The following GPC6 variants were observed in gnomAD, a reference collection of about 807,000 sequenced individuals.
GPC6 encodes glypican 6.
In GPC6, 14 loss-of-function variants were observed where a neutral mutation model predicts 55.2. The ratio of observed to expected loss-of-function variants is 0.25; its 90% CI spans 0.17 to 0.40. The LOEUF (loss-of-function observed/expected upper bound fraction) is 0.40. GPC6 is among the 10% of genes least tolerant of loss of function. The pLI is 1.00. For synonymous variants in GPC6, 278 were observed against 259.6 expected (o/e 1.07, Z -0.68); for missense variants, 641 against 708.5 (o/e 0.90, Z 1.08).
intron 3 of GPC6, among the ~76,000 whole-genome samples, chr13:93,898,966 T>TATATATATATATATATATATATAC (rs1251225383): frequency 3.6e-5 from 5 of 137,084 alleles, no homozygotes; most frequent in African/African-American, 1.3e-4. Context: ...TATATATATA[T>TATATATATATATATATATATATAC]ACACACACAT....
chr13:94,176,721 A>G (rs1293030384), intron 4 of GPC6, among the ~76,000 whole-genome samples: 1 of 152,212 alleles, frequency 6.6e-6, no homozygotes, highest in African/African-American at 2.4e-5. Context: ...TGATTTATTA[A>G]GATGAGAAGC....
intron 2 of GPC6, among the ~76,000 whole-genome samples, chr13:93,734,229 A>G (rs948242515): frequency 2.0e-5 from 3 of 152,170 alleles, no homozygotes; most frequent in Admixed American, 6.5e-5. Flanking sequence ...TTCAAAACTC[A>G]AATTTGGAGT....
At chr13:93,649,050 T>C (rs1213931001) in intron 2 of GPC6, among the ~76,000 whole-genome samples, 1 of 152,184 alleles carries the variant, frequency 6.6e-6, no homozygotes, top group Non-Finnish European at 1.5e-5. Context: ...CATGTGGCTT[T>C]TAGTAATCTC....
intron 1 of GPC6, among the ~76,000 whole-genome samples, chr13:93,441,594 C>G (rs1877805780): frequency 6.6e-6 from 1 of 152,066 alleles, no homozygotes; most frequent in African/African-American, 2.4e-5. Context: ...TGGATATTAG[C>G]CCTTTGTCAG....
intron 2 of GPC6, among the ~76,000 whole-genome samples, chr13:93,623,951 G>C (rs1302419428): frequency 6.6e-6 from 1 of 151,912 alleles, no homozygotes; most frequent in Non-Finnish European, 1.5e-5. Flanking sequence ...TCTCCCTTGA[G>C]TTATTTGTGT....
intron 3 of GPC6, among the ~76,000 whole-genome samples, chr13:93,889,763 C>G (rs1467958379): frequency 6.6e-6 from 1 of 152,072 alleles, no homozygotes; most frequent in Non-Finnish European, 1.5e-5. Flanking sequence ...ATTTGATCAG[C>G]ACAGTCTGCT....
intron 3 of GPC6, among the ~76,000 whole-genome samples, chr13:93,868,302 C>G (rs1889031304): frequency 6.6e-6 from 1 of 151,658 alleles, no homozygotes; most frequent in African/African-American, 2.4e-5. Flanking sequence ...AGGATAAGAC[C>G]CTCAATCCTA....
intron 6 of GPC6, among the ~76,000 whole-genome samples, chr13:94,322,415 C>G (rs1876874913): frequency 6.6e-6 from 1 of 152,128 alleles, no homozygotes; most frequent in Non-Finnish European, 1.5e-5. Flanking sequence ...AGAAGAGGTA[C>G]CAGGACTAGA....
At chr13:93,753,893 T>C (rs1884681955) in intron 2 of GPC6, among the ~76,000 whole-genome samples, 1 of 152,164 alleles carries the variant, frequency 6.6e-6, no homozygotes. Flanking sequence ...GTAATCCTCC[T>C]GCTCCAGCTT....
intron 3 of GPC6, among the ~76,000 whole-genome samples, chr13:93,872,604 G>A (rs576435937): frequency 4.6e-5 from 7 of 151,974 alleles, no homozygotes; most frequent in Non-Finnish European, 8.8e-5. Context: ...CCCTTGGCTC[G>A]TGCCTTTTTC....
intron 2 of GPC6, among the ~76,000 whole-genome samples, chr13:93,692,672 T>G (rs1422912364): frequency 6.6e-6 from 1 of 152,086 alleles, no homozygotes; most frequent in Non-Finnish European, 1.5e-5. Context: ...GTTAAATTTT[T>G]GATGAGGAAA....
chr13:93,969,597 T>C (rs1008513195), intron 3 of GPC6, among the ~76,000 whole-genome samples: 1 of 152,190 alleles, frequency 6.6e-6, no homozygotes, highest in Non-Finnish European at 1.5e-5. Flanking sequence ...ACTAAGACTT[T>C]TTTTTTTACA....
intron 1 of GPC6, among the ~76,000 whole-genome samples, chr13:93,458,291 C>G (rs1439746930): frequency 6.6e-6 from 1 of 152,148 alleles, no homozygotes; most frequent in Non-Finnish European, 1.5e-5. Context: ...TAACCCTCCT[C>G]CTTGTGAAAA....
chr13:93,687,450 T>C (rs1741293685), intron 2 of GPC6, among the ~76,000 whole-genome samples: 1 of 152,086 alleles, frequency 6.6e-6, no homozygotes. Context: ...TTAAGACTTG[T>C]AAGGAATTGA....
chr13:94,152,377 C>T (rs1223055771), intron 4 of GPC6, among the ~76,000 whole-genome samples: 1 of 152,134 alleles, frequency 6.6e-6, no homozygotes, highest in Non-Finnish European at 1.5e-5. Context: ...GGGTAATTCA[C>T]TTAAATTTGC....
At chr13:94,344,403 T>G (rs1299297281) in intron 6 of GPC6, among the ~76,000 whole-genome samples, 1 of 152,188 alleles carries the variant, frequency 6.6e-6, no homozygotes, top group Non-Finnish European at 1.5e-5. Context: ...GAGCTTGAAA[T>G]GAAACAACAA....
intron 1 of GPC6, among the ~76,000 whole-genome samples, chr13:93,489,575 T>C (rs1349213303): frequency 6.6e-6 from 1 of 151,508 alleles, no homozygotes; most frequent in Non-Finnish European, 1.5e-5. Flanking sequence ...ATGGCCATTT[T>C]CACAATATTG....
intron 1 of GPC6, among the ~76,000 whole-genome samples, chr13:93,324,445 A>G (rs548689676): frequency 2.1e-4 from 32 of 151,596 alleles, no homozygotes; most frequent in Non-Finnish European, 3.7e-4. Context: ...TGTTTGTAAC[A>G]CAAAGGATAG....
rs191625819 is a variant in GPC6 at position 94,387,467 on chromosome 13, C to T, written c.1289+4917C>T. Among the ~76,000 whole-genome samples, 52 of 152,320 alleles carry T rather than the reference C, an allele frequency of 3.4e-4. No individual in the cohort carries two copies. In the East Asian group the frequency reaches 0.01, roughly 29 times the overall value. On this transcript the variant is annotated intron_variant, in intron 7 of 8. Coordinates refer to ENST00000377047, the MANE Select transcript of GPC6 (RefSeq NM_005708.5). ...ACAATGTGAAGATCAATGAGATAAT[C>T]TCAATACAAATAGTTTGTAATCCTA...
Sources: allele counts gnomAD v4.1 joint callset (sites outside exome capture counted in the v4.1 genomes callset), GRCh38; gene constraint gnomAD v4.1.1; transcripts MANE v1.5; gene names NCBI Gene and HGNC (gene_info 2026-07-23, HGNC 2026-07-21).